The following TG variants were observed in gnomAD, a reference collection of about 807,000 sequenced individuals.
TG encodes the protein thyroglobulin, also known as thyroid hormones.
In TG, 270 loss-of-function variants were observed where a neutral mutation model predicts 324.7. The observed-to-expected ratio is 0.83, with a 90% confidence interval of 0.75 to 0.92. The LOEUF is 0.92. Ranked by LOEUF, TG falls within the 40% of genes least tolerant of loss-of-function variation. The pLI is 0.00. For synonymous variants in TG, 1,401 were observed against 1,327.0 expected (o/e 1.06, Z -1.21); for missense variants, 3,591 against 3,456.4 (o/e 1.04, Z -0.98).
chr8:132,879,814 G>T (rs970459902), intron 5 of TG, among the ~76,000 whole-genome samples: 3 of 152,192 alleles, frequency 2.0e-5, no homozygotes, highest in African/African-American at 7.2e-5. Context: ...CAGTTTATAA[G>T]ACCAGAAACC....
chr8:133,105,413 G>C (rs1023491926), intron 43 of TG, among the ~76,000 whole-genome samples: 21 of 152,266 alleles, frequency 1.4e-4, no homozygotes, highest in Admixed American at 3.9e-4. Flanking sequence ...AAAATGTAGG[G>C]GAAGAGGGGA....
At position 132,904,924 on chromosome 8, in the gene TG, A is replaced by G. The variant is rs72727409; in HGVS notation, c.3635-1764A>G. 6.0e-3 allele frequency among the ~76,000 whole-genome samples: 914 copies of G among 152,282 alleles called. 8 individuals are homozygous for G. Among genetic ancestry groups the G allele is most frequent in the Non-Finnish European group, 8.7e-3 (594 of 68,004 alleles). Reference sequence around the variant, plus strand: ...GGAGGATGTGGATTCTGGGGCAAAGATAATGGGGTTCAAATCCTGATTTTT... The same window carrying G: ...GGAGGATGTGGATTCTGGGGCAAAGGTAATGGGGTTCAAATCCTGATTTTT... On this transcript the variant is annotated intron_variant, in intron 16 of 47. Transcript: ENST00000220616.
intron 39 of TG, among the ~76,000 whole-genome samples, chr8:133,020,890 G>A (rs1289879832): frequency 2.6e-5 from 4 of 152,140 alleles, no homozygotes; most frequent in Non-Finnish European, 4.4e-5. Context: ...CACGTGAGGG[G>A]GCCCCTTTGT....
intron 41 of TG, among the ~76,000 whole-genome samples, chr8:133,089,162 C>T (rs890447225): frequency 1.3e-5 from 2 of 152,196 alleles, no homozygotes; most frequent in Non-Finnish European, 2.9e-5. Context: ...CGATGGGCTC[C>T]CTGACTCAGA....
At position 132,888,032 on chromosome 8, in the gene TG, T is replaced by G. The variant is rs772072270; in HGVS notation, c.2225T>G (p.Val742Gly). ...TCTGAGCAAGCTTTCCTCAGGACGG[T>G]GCAGGCCCTGCTCTCTAACTCCAGC... ...LQSEQAFLRT[V>G]QALLSNSSML... Residue 742 changes from valine to glycine, a missense_variant, in exon 10 of 48, where the codon GTG (valine) becomes GGG (glycine). Val to Gly is a moderately radical substitution (Grantham distance 109). Coordinates refer to ENST00000220616, the MANE Select transcript of TG (RefSeq NM_003235.5). The G allele has an allele frequency of 8.1e-6, 13 of 1,613,992 alleles. No homozygotes were observed. The African/African-American group carries it at 1.1e-4, about 13-fold the overall frequency.
chr8:133,121,424 A>G (rs571649583), intron 45 of TG, among the ~76,000 whole-genome samples: 1 of 152,326 alleles, frequency 6.6e-6, no homozygotes, highest in South Asian at 2.1e-4. Flanking sequence ...TTTAGAAAGT[A>G]TGAAAAACTA....
intron 33 of TG, 72 bp downstream of exon 33, chr8:132,971,945 GC>G (rs1829582554): frequency 9.1e-6 from 10 of 1,096,430 alleles, no homozygotes; most frequent in Non-Finnish European, 1.4e-5. Flanking sequence ...TCACATCTAT[GC>G]TTTTACAAAT....
At chr8:133,002,875 G>T in intron 35 of TG, 1 of 327,184 alleles carries the variant, frequency 3.1e-6, no homozygotes, top group South Asian at 8.2e-5. Flanking sequence ...AGTACACTGG[G>T]GAACATTGTA....
At chr8:133,045,011 G>T (rs763946614) in intron 41 of TG, 1 of 1,614,212 alleles carries the variant, frequency 6.2e-7, no homozygotes, top group Non-Finnish European at 8.5e-7. Context: ...AGGTCCTCCA[G>T]GCACTGGAAG....
chr8:132,933,699 G>A lies in TG; in HGVS notation c.4932+23G>A, dbSNP rs768911718. On this transcript the variant is annotated intron_variant, in intron 24 of 47. Coordinates refer to ENST00000220616, the MANE Select transcript of TG (RefSeq NM_003235.5). ...CAGGTGAGGTGGGGCAGCCACGTGT[G>A]GTTCTGCTCCTCATCCGCTGTGGAT... 5.0e-6 allele frequency: 8 copies of A among 1,606,182 alleles called. No individual in the cohort carries two copies. The South Asian group carries it at 8.8e-5, about 18-fold the overall frequency.
intron 41 of TG, among the ~76,000 whole-genome samples, chr8:133,084,763 G>T (rs992529320): frequency 6.6e-6 from 1 of 152,222 alleles, no homozygotes. Flanking sequence ...CCCCACAGGG[G>T]CCTGGGAAGG....
chr8:133,022,410 GTGTA>G (rs956176952), intron 40 of TG, among the ~76,000 whole-genome samples: 4 of 152,180 alleles, frequency 2.6e-5, no homozygotes, highest in Non-Finnish European at 4.4e-5. Context: ...TGTGATGTGT[GTGTA>G]TGTGTGAGTG....
At chr8:132,981,803 A>C (rs1356688721) in intron 34 of TG, among the ~76,000 whole-genome samples, 1 of 152,182 alleles carries the variant, frequency 6.6e-6, no homozygotes, top group African/African-American at 2.4e-5. Context: ...CTGGTGCCTT[A>C]GAGTGATAGT....
intron 35 of TG, chr8:132,994,798 T>C (rs1400190544): frequency 2.3e-6 from 3 of 1,286,744 alleles, no homozygotes; most frequent in African/African-American, 1.5e-5. Context: ...CCTGGTGTCA[T>C]GGGAAGGTGA....
chr8:133,073,402 CTGGAGTGCAG>C (rs1844370986), intron 41 of TG: 1 of 152,110 alleles, frequency 6.6e-6, no homozygotes, highest in South Asian at 2.1e-4. Flanking sequence ...GTTGCCCAGG[CTGGAGTGCAG>C]TGGCACCATC....
At chr8:133,076,346 T>C (rs964707018) in intron 41 of TG, among the ~76,000 whole-genome samples, 1 of 152,216 alleles carries the variant, frequency 6.6e-6, no homozygotes, top group African/African-American at 2.4e-5. Flanking sequence ...GAAACCTCAC[T>C]TGGGGTAGTT....
intron 29 of TG, among the ~76,000 whole-genome samples, chr8:132,963,975 TC>T (rs1374305391): frequency 1.3e-5 from 2 of 151,990 alleles, no homozygotes; most frequent in Non-Finnish European, 2.9e-5. Context: ...CTACCTCTTA[TC>T]CCGTTAGATA....
At chr8:132,877,120 C>T (rs973217732) in intron 5 of TG, among the ~76,000 whole-genome samples, 3 of 152,162 alleles carry the variant, frequency 2.0e-5, no homozygotes, top group East Asian at 1.9e-4. Flanking sequence ...TGCTAGGCTA[C>T]GGCCCCCTCT....
chr8:132,911,447 C>T lies in TG; in HGVS notation c.4073C>T (p.Thr1358Ile), dbSNP rs1256349623. 1 of 1,614,144 alleles carries T rather than the reference C, an allele frequency of 6.2e-7. No homozygotes were observed. Among genetic ancestry groups the T allele is most frequent in the Admixed American group, 1.7e-5 (1 of 60,022 alleles). ...NNSSVQVGCL[T>I]RERLGVNVTW... ...TCCTCTGTGCAGGTGGGTTGTCTGA[C>T]CAGGGAGCGTTTAGGAGTGAATGTT... Residue 1358 changes from threonine to isoleucine, a missense_variant, in exon 19 of 48, where the codon ACC (threonine) becomes ATC (isoleucine). Physicochemically the swap from Thr to Ile is moderately conservative, Grantham distance 89. Coordinates refer to ENST00000220616, the MANE Select transcript of TG (RefSeq NM_003235.5).
Sources: gnomAD v4.1 joint callset for allele counts (sites outside exome capture counted in the v4.1 genomes callset) on GRCh38, gnomAD v4.1.1 for gene constraint, MANE v1.5 for transcripts, NCBI Gene and HGNC (gene_info 2026-07-23, HGNC 2026-07-21) for gene names.